Variants in PRL observed in about 807,000 individuals in gnomAD.
The protein encoded by PRL is decidual prolactin.
In PRL, 24 loss-of-function variants were observed where a neutral mutation model predicts 21.3. The ratio of observed to expected loss-of-function variants is 1.13; its 90% CI spans 0.82 to 1.59. The LOEUF (loss-of-function observed/expected upper bound fraction) is 1.59. Among genes scored for constraint, PRL ranks in the 40% most tolerant of loss-of-function variants. The probability of loss-of-function intolerance (pLI) is 0.00; values close to 1 mark genes in which losing one functional copy is unlikely to be tolerated. For synonymous variants in PRL, 118 were observed against 115.7 expected (o/e 1.02, Z -0.13); for missense variants, 243 against 286.9 (o/e 0.85, Z 1.10).
At chr6:22,287,826 T>C (rs1760954877) in intron 4 of PRL, among the ~76,000 whole-genome samples, 1 of 152,212 alleles carries the variant, frequency 6.6e-6, no homozygotes, top group African/African-American at 2.4e-5. Flanking sequence ...AGATGAAGTA[T>C]GTTTTTGCAG....
chr6:22,301,011 A>C (rs1761273187), upstream of PRL, among the ~76,000 whole-genome samples: 1 of 152,176 alleles, frequency 6.6e-6, no homozygotes, highest in Non-Finnish European at 1.5e-5. Flanking sequence ...TCACTCTTTG[A>C]GAGTTATGTT....
At chr6:22,298,729 T>G (rs528562810), upstream of PRL, among the ~76,000 whole-genome samples, 2 of 152,288 alleles carry the variant, frequency 1.3e-5, no homozygotes, top group South Asian at 4.1e-4. Context: ...TCTGAATTAT[T>G]AAGAAAGCAG....
At chr6:22,296,802 G>A (rs1328179823) in intron 1 of PRL, among the ~76,000 whole-genome samples, 153 bp downstream of exon 1, 2 of 152,128 alleles carry the variant, frequency 1.3e-5, no homozygotes, top group South Asian at 2.1e-4. Flanking sequence ...TCTGTTCTAT[G>A]GTGCCCTTGT....
intron 2 of PRL, among the ~76,000 whole-genome samples, chr6:22,293,343 G>T (rs914905334): frequency 6.6e-6 from 1 of 152,052 alleles, no homozygotes; most frequent in African/African-American, 2.4e-5. Context: ...AAAGTCTAAA[G>T]AAATTACTAG....
At position 22,287,394 on chromosome 6, in the gene PRL, A is replaced by T. The variant is rs1299379214; in HGVS notation, c.*8T>A. On this transcript the variant is annotated 3_prime_UTR_variant, in exon 5 of 5. Coordinates refer to ENST00000306482, the MANE Select transcript of PRL (RefSeq NM_000948.6). ...ACCTTCTCAGAAATAGATGAAATGG[A>T]TGTGGGCTTAGCAGTTGTTGTTGTG... 3.7e-6 allele frequency: 6 copies of T among 1,606,836 alleles called. No homozygotes were observed. The South Asian group carries it at 6.6e-5, about 18-fold the overall frequency.
At position 22,287,599 on chromosome 6, in the gene PRL, C is replaced by T. The variant is rs1333527728; in HGVS notation, c.493-6G>A. 6.3e-7 allele frequency: 1 copy of T among 1,578,876 alleles called. No individual in the cohort carries two copies. The highest frequency in any genetic ancestry group is 1.4e-5 in the African/African-American group (1 of 73,560). On this transcript the variant is annotated splice_region_variant and splice_polypyrimidine_tract_variant and intron_variant, in intron 4 of 4. Transcript: ENST00000306482. ...TCTTTGGTTTCAGGATGAACCTAAT[C>T]ACACAAAAAAAGAGTGACTTATTCT...
At chr6:22,289,722 A>T (rs1761006094) in intron 4 of PRL, among the ~76,000 whole-genome samples, 1 of 152,124 alleles carries the variant, frequency 6.6e-6, no homozygotes, top group Admixed American at 6.5e-5. Flanking sequence ...TGTGCAGCAG[A>T]TCGGGGTGAG....
intron 4 of PRL, 113 bp downstream of exon 4, chr6:22,290,061 G>T: frequency 2.0e-6 from 2 of 992,860 alleles, no homozygotes; most frequent in Non-Finnish European, 1.4e-6. Flanking sequence ...TTTAATAGCG[G>T]TCTATAATAT....
upstream of PRL, chr6:22,297,037 G>C: frequency 1.3e-6 from 2 of 1,588,584 alleles, no homozygotes; most frequent in Non-Finnish European, 1.7e-6. Flanking sequence ...GAAGTCTCAC[G>C]GTTTTCTCTT....
chr6:22,300,035 C>T (rs1448483970), upstream of PRL, among the ~76,000 whole-genome samples: 1 of 151,986 alleles, frequency 6.6e-6, no homozygotes, highest in Admixed American at 6.6e-5. Flanking sequence ...GGAGTATTGT[C>T]TATGAATTGA....
chr6:22,302,665 G>T (rs866628609), intron 1 of PRL, among the ~76,000 whole-genome samples: 30 of 152,222 alleles, frequency 2.0e-4, no homozygotes, highest in African/African-American at 6.5e-4. Context: ...TATGCTTAAG[G>T]TTGATAAAAA....
At chr6:22,294,913 T>G (rs1044801244) in intron 1 of PRL, among the ~76,000 whole-genome samples, 42 of 152,194 alleles carry the variant, frequency 2.8e-4, no homozygotes, top group African/African-American at 9.9e-4. Context: ...GATAGTTTAA[T>G]GTCTTGGGAG....
At position 22,292,630 on chromosome 6, in the gene PRL, G is replaced by A. The variant is rs1761074675; in HGVS notation, c.220C>T (p.His74Tyr). 7 of 1,613,618 alleles carry A rather than the reference G, an allele frequency of 4.3e-6. No homozygotes were observed. The South Asian group carries it at 7.7e-5, about 18-fold the overall frequency. ...GCCTTGGTAATGAACCCCCGGCCATGGGTATACCGTTTATCCTGGAAATGA... is the reference window on the plus strand; with the variant it reads ...GCCTTGGTAATGAACCCCCGGCCATAGGTATACCGTTTATCCTGGAAATGA... ...MFSEFDKRYTHGRGFITKAIN... is the reference protein window; with the variant it reads ...MFSEFDKRYTYGRGFITKAIN... The change falls in exon 3 of 5, where the codon CAT becomes TAT. Residue 74 changes from histidine to tyrosine, a missense_variant. By Grantham distance (83) the His-to-Tyr change is moderately conservative (BLOSUM62 2). Coordinates refer to ENST00000306482, the MANE Select transcript of PRL (RefSeq NM_000948.6).
chr6:22,292,451 C>A lies in PRL; in HGVS notation c.312+87G>T. 3 of 1,226,932 alleles carry A rather than the reference C, an allele frequency of 2.4e-6. No individual in the cohort carries two copies. The Admixed American group carries it at 5.6e-5, about 23-fold the overall frequency. 76.0% of individuals were successfully genotyped at this position (1,226,932 alleles called of 1,614,324 possible). On this transcript the variant is annotated intron_variant, in intron 3 of 4. Transcript: ENST00000306482. ...ATATTTTTCTCTGCATGTACAATTA[C>A]CACTAGCTATTACAGCACCTATCAC...
chr6:22,301,367 C>T (rs116422639), upstream of PRL, among the ~76,000 whole-genome samples: 4,377 of 152,174 alleles, frequency 0.029, 77 homozygotes, highest in South Asian at 0.061. Flanking sequence ...AAAGCTATAG[C>T]GATAGATCAG....
chr6:22,291,848 G>T (rs1045929200), intron 3 of PRL, among the ~76,000 whole-genome samples: 1 of 152,214 alleles, frequency 6.6e-6, no homozygotes, highest in Admixed American at 6.5e-5. Context: ...CCAAAAGGAA[G>T]AGATCATAGC....
rs1761127859 is a variant in PRL, at chr6:22,294,337, T to C, written c.204+72A>G. 6 of 1,579,088 alleles carry C rather than the reference T, an allele frequency of 3.8e-6. No homozygotes were observed. The African/African-American group carries it at 6.8e-5, about 18-fold the overall frequency. On this transcript the variant is annotated intron_variant, in intron 2 of 4. Transcript: ENST00000306482. ...AATTTGGCTCGGGAGGTTTTCTAGG[T>C]TAACATGTAGCAGAGCCCAGTAGTT... is the stretch of plus-strand genomic sequence containing the variant.
intron 4 of PRL, among the ~76,000 whole-genome samples, 173 bp downstream of exon 4, chr6:22,290,001 A>T (rs1761011286): frequency 6.6e-6 from 1 of 152,044 alleles, no homozygotes; most frequent in South Asian, 2.1e-4. Flanking sequence ...TCTAAGATTC[A>T]TTTACATGTA....
chr6:22,296,969 C>G lies in PRL; in HGVS notation c.14G>C (p.Gly5Ala). 6.2e-7 allele frequency: 1 copy of G among 1,614,068 alleles called. No homozygotes were observed. The highest frequency in any genetic ancestry group is 8.5e-7 in the Non-Finnish European group (1 of 1,179,980). Residue 5 changes from glycine to alanine, a missense_variant, in exon 1 of 5, where the codon GGA becomes GCA. Transcript: ENST00000306482. ...GTCACACATACCTTTCCATGGCGATCCTTTGATGTTCATGTTCGTGATCGT... is the reference window on the plus strand; with the variant it reads ...GTCACACATACCTTTCCATGGCGATGCTTTGATGTTCATGTTCGTGATCGT... MNIK[G>A]SPWKGSLLLL...
Sources: gnomAD v4.1 joint callset for allele counts (sites outside exome capture counted in the v4.1 genomes callset) on GRCh38, gnomAD v4.1.1 for gene constraint, MANE v1.5 for transcripts, NCBI Gene and HGNC (gene_info 2026-07-23, HGNC 2026-07-21) for gene names.